The following VWA5B1 variants were observed in gnomAD, a reference collection of about 807,000 sequenced individuals.
VWA5B1 encodes von Willebrand factor A domain containing 5B1.
VWA5B1 carries 115 observed loss-of-function variants against 118.2 expected under a neutral mutation model. The observed-to-expected ratio is 0.97, with a 90% CI of 0.84 to 1.14. The LOEUF is 1.14. Among genes scored for constraint, VWA5B1 ranks in the 50% most tolerant of loss-of-function variants. The pLI, the probability that VWA5B1 is intolerant of heterozygous loss-of-function variation, is 0.00. For synonymous variants in VWA5B1, 682 were observed against 658.4 expected, an observed-to-expected ratio of 1.04 and a Z score of -0.55; for missense variants, 1,596 against 1,603.8, an observed-to-expected ratio of 1.00 and a Z score of 0.08.
chr1:20,300,052 G>T (rs991900539), intron 1 of VWA5B1, among the ~76,000 whole-genome samples: 2 of 152,180 alleles, frequency 1.3e-5, no homozygotes, highest in Non-Finnish European at 2.9e-5. Context: ...CCCAGGATCT[G>T]GGGCCAGATG....
intron 1 of VWA5B1, among the ~76,000 whole-genome samples, chr1:20,304,738 G>T (rs887831450): frequency 2.6e-5 from 4 of 152,110 alleles, no homozygotes; most frequent in South Asian, 4.1e-4. Context: ...AGGTGACAAG[G>T]CTTGAGGGAA....
At position 20,327,887 on chromosome 1, in the gene VWA5B1, C is replaced by G; in HGVS notation, c.1144-3C>G. 6.4e-7 allele frequency: 1 copy of G among 1,551,280 alleles called. No homozygotes were observed. The highest frequency in any genetic ancestry group is 8.7e-7 in the Non-Finnish European group (1 of 1,146,764). ...TCCTGAAAACCCCTTTCTCTCCTGC[C>G]AGGATGCCATGTTGGTGGCCCTTAA... is the stretch of plus-strand genomic sequence containing the variant. On this transcript the variant is annotated splice_region_variant and splice_polypyrimidine_tract_variant and intron_variant, in intron 8 of 21. Coordinates refer to ENST00000289815, the MANE Select transcript of VWA5B1 (RefSeq NM_001039500.3).
intron 4 of VWA5B1, among the ~76,000 whole-genome samples, chr1:20,314,893 C>A (rs2100853011): frequency 6.6e-6 from 1 of 152,112 alleles, no homozygotes; most frequent in East Asian, 1.9e-4. Flanking sequence ...TTCTGAGCAC[C>A]TACAATGTGC....
At position 20,317,549 on chromosome 1, in the gene VWA5B1, G is replaced by A. The variant is rs201427535; in HGVS notation, c.583G>A (p.Gly195Ser). ...QAQGKDRHCFGAWAPGSWNKL... is the reference protein window; with the variant it reads ...QAQGKDRHCFSAWAPGSWNKL... ...TTCCAGCAAAGACAGGCACTGCTTC[G>A]GTGCCTGGGCCCCGGGCTCCTGGAA... is the stretch of plus-strand genomic sequence containing the variant. The change falls in exon 5 of 22, where the codon GGT (glycine) becomes AGT (serine). Residue 195 changes from glycine to serine, a missense_variant. Physicochemically the swap from Gly to Ser is moderately conservative, Grantham distance 56. Coordinates refer to ENST00000289815, the MANE Select transcript of VWA5B1 (RefSeq NM_001039500.3). The A allele has an allele frequency of 3.7e-4, 568 of 1,551,646 alleles. No individual in the cohort carries two copies. The highest frequency in any genetic ancestry group is 8.2e-4 in the African/African-American group (60 of 73,130).
At chr1:20,299,794 T>G (rs1404044737) in intron 1 of VWA5B1, among the ~76,000 whole-genome samples, 1 of 152,224 alleles carries the variant, frequency 6.6e-6, no homozygotes, top group East Asian at 1.9e-4. Context: ...ACTGATCTAC[T>G]GTCTCCACTC....
chr1:20,358,069 G>T lies in VWA5B1; in HGVS notation c.*3806G>T, dbSNP rs561403956. Among the ~76,000 whole-genome samples the T allele has an allele frequency of 1.6e-4, 25 of 152,254 alleles. No individual in the cohort carries two copies. The South Asian group carries it at 4.8e-3, about 29-fold the overall frequency. The stretch of plus-strand genomic sequence containing the variant: ...CCCATCCTTTGGCAGACTTACACTG[G>T]ACTTGTCCATAAGCGGCCTCGGTTT... On this transcript the variant is annotated 3_prime_UTR_variant, in exon 22 of 22. Coordinates refer to ENST00000289815, the MANE Select transcript of VWA5B1 (RefSeq NM_001039500.3).
At chr1:20,353,068 A>G (rs1317737627) in intron 21 of VWA5B1, among the ~76,000 whole-genome samples, 2 of 152,194 alleles carry the variant, frequency 1.3e-5, no homozygotes, top group Non-Finnish European at 2.9e-5. Context: ...GAGCAGACCC[A>G]AGCATGACTT....
Position 20,354,361 on chromosome 1 carries a change from TA to T in VWA5B1, c.*100del, listed in dbSNP as rs2090192553. On this transcript the variant is annotated 3_prime_UTR_variant, in exon 22 of 22. Coordinates refer to ENST00000289815, the MANE Select transcript of VWA5B1 (RefSeq NM_001039500.3). ...TTCGGGGAGCTTTTGGAGCTGTAAC[TA>T]ATATTTCAGTTACTAGAAAGAGCCC... 1 of 1,387,648 alleles carries T rather than the reference TA, an allele frequency of 7.2e-7. No individual in the cohort carries two copies. The highest frequency in any genetic ancestry group is 9.6e-7 in the Non-Finnish European group (1 of 1,046,350). The allele number at this position is 1,387,648 out of a possible 1,614,324, so 86.0% of individuals were successfully genotyped here.
chr1:20,340,611 C>T (rs1011216554), intron 14 of VWA5B1, among the ~76,000 whole-genome samples: 1 of 152,260 alleles, frequency 6.6e-6, no homozygotes, highest in Non-Finnish European at 1.5e-5. Flanking sequence ...TTTTCGCCCT[C>T]ATCCCCTCCC....
chr1:20,354,563 T>A lies in VWA5B1; in HGVS notation c.*300T>A. On this transcript the variant is annotated 3_prime_UTR_variant, in exon 22 of 22. Coordinates refer to ENST00000289815, the MANE Select transcript of VWA5B1 (RefSeq NM_001039500.3). ...TGGTTCAGTGGTTCCTTTCTGCCCA[T>A]TCAGGCAGTCCCGGGCTGACTGCTG... 2.5e-6 allele frequency: 1 copy of A among 392,778 alleles called. No homozygotes were observed. Among genetic ancestry groups the A allele is most frequent in the South Asian group, 2.8e-5 (1 of 35,240 alleles). 24.3% of individuals were successfully genotyped at this position (392,778 alleles called of 1,614,324 possible).
intron 9 of VWA5B1, among the ~76,000 whole-genome samples, 185 bp downstream of exon 9, chr1:20,328,185 C>G (rs902134120): frequency 6.6e-6 from 1 of 152,136 alleles, no homozygotes; most frequent in Non-Finnish European, 1.5e-5. Flanking sequence ...GGACATTTTT[C>G]TGACATCTCA....
intron 1 of VWA5B1, 74 bp downstream of exon 1, chr1:20,291,162 A>ATAAGTGTG (rs1187494965): frequency 1.4e-4 from 11 of 77,668 alleles, no homozygotes; most frequent in African/African-American, 3.0e-4. Flanking sequence ...AAGGGCATGC[A>ATAAGTGTG]TGAGTGTGTG....
intron 14 of VWA5B1, among the ~76,000 whole-genome samples, chr1:20,341,126 C>A (rs4654855): frequency 6.6e-6 from 1 of 152,030 alleles, no homozygotes; most frequent in Non-Finnish European, 1.5e-5. Context: ...AAGAAAGATA[C>A]TTCTTTATTT....
intron 16 of VWA5B1, 101 bp from the exon 17 acceptor site, chr1:20,345,355 T>C (rs967244711): frequency 8.8e-6 from 13 of 1,473,254 alleles, no homozygotes; most frequent in Non-Finnish European, 1.2e-5. Context: ...ATCCCAAAGA[T>C]GGGGACCACT....
At position 20,304,585 on chromosome 1, in the gene VWA5B1, G is replaced by A. The variant is rs563822059; in HGVS notation, c.-26-5991G>A. Among the ~76,000 whole-genome samples the A allele has an allele frequency of 8.5e-5, 13 of 152,276 alleles. No homozygotes were observed. In the South Asian group the frequency reaches 2.7e-3, roughly 32 times the overall value. On this transcript the variant is annotated intron_variant, in intron 1 of 21. Transcript: ENST00000289815. ...TGTGTGTGCACGTGCGTGCATGTGT[G>A]TGTGTGTGGTGACAGAGGGGACCAG...
At chr1:20,336,821 G>A (rs2089731308) in intron 13 of VWA5B1, among the ~76,000 whole-genome samples, 1 of 152,176 alleles carries the variant, frequency 6.6e-6, no homozygotes, top group South Asian at 2.1e-4. Context: ...CATGTCCCCT[G>A]CCCTTCCGGA....
rs1202164731 is a variant in VWA5B1 at position 20,354,069 on chromosome 1, A to G, written c.3454A>G (p.Ser1152Gly). Residue 1152 changes from serine (S) to glycine (G), a missense_variant, in exon 22 of 22, where the codon AGT (serine) becomes GGT (glycine). Physicochemically the swap from Ser to Gly is moderately conservative, Grantham distance 56. Coordinates refer to ENST00000289815, the MANE Select transcript of VWA5B1 (RefSeq NM_001039500.3). The part of the protein sequence containing the change: ...TVVGLAWLEH[S>G]SASYFTEWEL... ...GGTGGGGCTGGCATGGCTGGAGCAC[A>G]GTTCGGCCTCCTACTTCACTGAGTG... 2 of 1,551,562 alleles carry G rather than the reference A, an allele frequency of 1.3e-6. No individual in the cohort carries two copies. The highest frequency in any genetic ancestry group is 2.0e-5 in the Admixed American group (1 of 51,008).
intron 17 of VWA5B1, among the ~76,000 whole-genome samples, chr1:20,346,901 G>A (rs170724): frequency 0.31 from 47,675 of 152,002 alleles, 7,776 homozygotes; most frequent in East Asian, 0.39. Flanking sequence ...TGGTACCAAA[G>A]TGATCAACCC....
Position 20,353,759 on chromosome 1 carries a change from GTC to G in VWA5B1, c.3148_3149del (p.Leu1050AlafsTer15). The part of the protein sequence containing the change: ...NQSFDYIPLV[S>X]LQLASGAFLL... ...TGAAGGGCTTCCCCCACACACAGGT[GTC>G]TCTGCAGCTGGCCTCCGGAGCCTTC... is the stretch of plus-strand genomic sequence containing the variant. On this transcript the variant is annotated frameshift_variant, in exon 22 of 22. Coordinates refer to ENST00000289815, the MANE Select transcript of VWA5B1 (RefSeq NM_001039500.3). LOFTEE classifies it low-confidence loss of function (END_TRUNC). The G allele has an allele frequency of 6.9e-7, 1 of 1,456,042 alleles. No individual in the cohort carries two copies. Among genetic ancestry groups the G allele is most frequent in the Non-Finnish European group, 9.1e-7 (1 of 1,101,540 alleles). The allele number at this position is 1,456,042 out of a possible 1,614,324, so 90.2% of individuals were successfully genotyped here. A position where few individuals can be genotyped will look rare whatever the true frequency, so the allele number is the denominator to read the frequency against.
Sources: allele counts gnomAD v4.1 joint callset (sites outside exome capture counted in the v4.1 genomes callset), GRCh38; gene constraint gnomAD v4.1.1; transcripts MANE v1.5; gene names NCBI Gene and HGNC (gene_info 2026-07-23, HGNC 2026-07-21).